WDR59: variants seen among roughly 807,000 people sequenced by gnomAD.
The protein encoded by WDR59 is GATOR2 complex protein WDR59.
Under a neutral mutation model 131.2 loss-of-function variants are expected in WDR59, and 100 were observed. That is an observed-to-expected ratio of 0.76 (90% confidence interval 0.65 to 0.90). The LOEUF (loss-of-function observed/expected upper bound fraction) is 0.90. Among genes scored for constraint, WDR59 ranks in the 40% least tolerant of loss-of-function variants. The pLI, the probability that WDR59 is intolerant of heterozygous loss-of-function variation, is 0.00. For missense variants in WDR59, 1,203 were observed against 1,262.2 expected, an observed-to-expected ratio of 0.95 and a Z score of 0.71; for synonymous variants, 601 against 466.2, an observed-to-expected ratio of 1.29 and a Z score of -3.72.
chr16:74,974,527 GCTA>G (rs140294048), intron 1 of WDR59, among the ~76,000 whole-genome samples: 3,552 of 152,246 alleles, frequency 0.023, 129 homozygotes, highest in Admixed American at 0.099. Flanking sequence ...CGGGCATGAG[GCTA>G]CTACTATCCT....
At chr16:74,960,302 G>A (rs2033500634) in intron 2 of WDR59, among the ~76,000 whole-genome samples, 1 of 151,886 alleles carries the variant, frequency 6.6e-6, no homozygotes. Context: ...CTGCACTCCA[G>A]CTTGGGCAAC....
rs775967887 is a variant in WDR59, at chr16:74,889,802, G to A, written c.2096C>T (p.Ala699Val). The stretch of plus-strand genomic sequence containing the variant: ...AAGGCAAAGATCTGTAGCTACCGTA[G>A]CCAGCGACCAAACCTGGACAGATCA... ...RKDLVQVWSL[A>V]TVATDLCLGP... The change falls in exon 21 of 26, where the codon GCT becomes GTT. Residue 699 changes from alanine to valine, a missense_variant. Coordinates refer to ENST00000262144, the MANE Select transcript of WDR59 (RefSeq NM_030581.4). The A allele has an allele frequency of 6.2e-7, 1 of 1,614,014 alleles. No individual in the cohort carries two copies. Among genetic ancestry groups the A allele is most frequent in the Non-Finnish European group, 8.5e-7 (1 of 1,179,940 alleles).
intron 25 of WDR59, among the ~76,000 whole-genome samples, chr16:74,877,566 C>T (rs982046150): frequency 1.3e-5 from 2 of 152,146 alleles, no homozygotes; most frequent in African/African-American, 2.4e-5. Context: ...TATTTTGAAA[C>T]GAAGTCTCGC....
At chr16:74,971,164 T>C (rs1447159518) in intron 1 of WDR59, among the ~76,000 whole-genome samples, 1 of 152,194 alleles carries the variant, frequency 6.6e-6, no homozygotes, top group African/African-American at 2.4e-5. Context: ...TGGTGGTTTC[T>C]CTTGATAATT....
chr16:74,914,588 C>A (rs1210943408), intron 13 of WDR59, among the ~76,000 whole-genome samples: 1 of 116,818 alleles, frequency 8.6e-6, no homozygotes. Flanking sequence ...CCACTTACAG[C>A]AGACTATTTT....
chr16:74,894,115 A>G (rs1409663207), intron 18 of WDR59, among the ~76,000 whole-genome samples: 1 of 152,224 alleles, frequency 6.6e-6, no homozygotes, highest in African/African-American at 2.4e-5. Context: ...TAAATAAGTT[A>G]GTAAAGGCCA....
intron 6 of WDR59, among the ~76,000 whole-genome samples, chr16:74,943,947 GA>G (rs2032420637): frequency 6.6e-6 from 1 of 152,184 alleles, no homozygotes; most frequent in Non-Finnish European, 1.5e-5. Flanking sequence ...ACAAATGGTG[GA>G]GACCAGTGAA....
intron 8 of WDR59, among the ~76,000 whole-genome samples, chr16:74,936,347 T>C (rs1481777469): frequency 5.3e-5 from 8 of 152,042 alleles, no homozygotes; most frequent in Non-Finnish European, 7.4e-5. Flanking sequence ...AGAAAAAATA[T>C]ATAAAGTCCT....
chr16:74,895,674 A>G (rs2144845360), intron 18 of WDR59, among the ~76,000 whole-genome samples: 1 of 152,328 alleles, frequency 6.6e-6, no homozygotes, highest in Non-Finnish European at 1.5e-5. Context: ...TAGCCCTTCC[A>G]TTCCTACTTG....
At chr16:74,960,661 C>T (rs982944854) in intron 2 of WDR59, among the ~76,000 whole-genome samples, 11 of 151,204 alleles carry the variant, frequency 7.3e-5, no homozygotes, top group Middle Eastern at 6.3e-3. Flanking sequence ...ATGAAAATCG[C>T]TTGAACCCAG....
At chr16:74,917,690 T>G (rs1966456476) in intron 11 of WDR59, among the ~76,000 whole-genome samples, 1 of 149,472 alleles carries the variant, frequency 6.7e-6, no homozygotes, top group Admixed American at 6.8e-5. Flanking sequence ...GCGCCTATAA[T>G]CCCAGCTACT....
intron 25 of WDR59, among the ~76,000 whole-genome samples, chr16:74,875,885 CCAACGGACA>C (rs2144744935): frequency 6.6e-6 from 1 of 152,318 alleles, no homozygotes; most frequent in Non-Finnish European, 1.5e-5. Flanking sequence ...CACGCGATCA[CCAACGGACA>C]CAACACCTAG....
chr16:74,878,137 T>C (rs1964305520), intron 25 of WDR59, among the ~76,000 whole-genome samples: 1 of 152,198 alleles, frequency 6.6e-6, no homozygotes, highest in Middle Eastern at 3.2e-3. Flanking sequence ...TTAATTGGTT[T>C]AGCATTATTG....
At chr16:74,952,426 A>G (rs1257177204) in intron 3 of WDR59, among the ~76,000 whole-genome samples, 2 of 147,010 alleles carry the variant, frequency 1.4e-5, no homozygotes, top group South Asian at 2.2e-4. Flanking sequence ...TGGGTGACAC[A>G]GCAAGACCCC....
At chr16:74,950,145 C>G (rs1431848649) in intron 4 of WDR59, among the ~76,000 whole-genome samples, 1 of 152,084 alleles carries the variant, frequency 6.6e-6, no homozygotes, top group Non-Finnish European at 1.5e-5. Flanking sequence ...AGTTCGAGAC[C>G]AGCCTGGCCA....
intron 8 of WDR59, among the ~76,000 whole-genome samples, chr16:74,929,969 G>C (rs867397680): frequency 1.3e-5 from 2 of 152,204 alleles, no homozygotes; most frequent in Non-Finnish European, 2.9e-5. Flanking sequence ...ATTTGTGGGA[G>C]CTAAAAATTA....
intron 11 of WDR59, among the ~76,000 whole-genome samples, 197 bp downstream of exon 11, chr16:74,917,732 C>T (rs59222071): frequency 0.019 from 2,856 of 150,460 alleles, 91 homozygotes; most frequent in African/African-American, 0.066. Context: ...TCGCTTGAAC[C>T]CGGGAGGCAG....
intron 6 of WDR59, among the ~76,000 whole-genome samples, chr16:74,947,814 TA>T (rs2032739716): frequency 6.6e-6 from 1 of 152,210 alleles, no homozygotes; most frequent in Non-Finnish European, 1.5e-5. Context: ...CTCACACCTG[TA>T]ATCCCAGCAC....
At chr16:74,972,796 T>C (rs2034036256) in intron 1 of WDR59, among the ~76,000 whole-genome samples, 1 of 121,734 alleles carries the variant, frequency 8.2e-6, no homozygotes, top group African/African-American at 3.1e-5. Context: ...CATTCCAGCC[T>C]GGGTGACAGA....
Sources: gnomAD v4.1 joint callset for allele counts (sites outside exome capture counted in the v4.1 genomes callset) on GRCh38, gnomAD v4.1.1 for gene constraint, MANE v1.5 for transcripts, NCBI Gene and HGNC (gene_info 2026-07-23, HGNC 2026-07-21) for gene names.